ATP9A: variants seen among roughly 807,000 people sequenced by gnomAD.
The protein encoded by ATP9A is ATPase phospholipid transporting 9A.
Under a neutral mutation model 144.1 loss-of-function variants are expected in ATP9A, and 52 were observed. That is an observed-to-expected ratio of 0.36 (90% CI 0.29 to 0.45). ATP9A has a LOEUF of 0.45. Ranked by LOEUF, ATP9A falls within the 20% of genes least tolerant of loss-of-function variation. The probability of loss-of-function intolerance (pLI) is 1.00; values close to 1 mark genes in which losing one functional copy is unlikely to be tolerated. For missense variants in ATP9A, 947 were observed against 1,392.7 expected (o/e 0.68, Z 5.09); for synonymous variants, 582 against 557.4 (o/e 1.04, Z -0.62).
chr20:51,635,802 G>GAGGGAGGAAGGAAGGA (rs774111834), intron 15 of ATP9A, among the ~76,000 whole-genome samples: 1,047 of 46,672 alleles, frequency 0.022, 18 homozygotes, highest in South Asian at 0.039. Context: ...AGGAGGGGAG[G>GAGGGAGGAAGGAAGGA]AGGAAGGAAG....
chr20:51,671,656 C>G (rs985122923), intron 11 of ATP9A, among the ~76,000 whole-genome samples: 2 of 152,058 alleles, frequency 1.3e-5, no homozygotes, highest in African/African-American at 4.8e-5. Context: ...TGTTATCAGC[C>G]ATCAGCATCA....
chr20:51,670,377 G>A (rs2077450966), intron 12 of ATP9A, among the ~76,000 whole-genome samples: 2 of 152,304 alleles, frequency 1.3e-5, no homozygotes, highest in East Asian at 1.9e-4. Context: ...TCAGGGGCCT[G>A]GCCCATTCCG....
intron 9 of ATP9A, among the ~76,000 whole-genome samples, chr20:51,682,573 G>A (rs2077504348): frequency 2.3e-5 from 1 of 44,244 alleles, no homozygotes; most frequent in Admixed American, 2.4e-4. Flanking sequence ...GCTTTTCACT[G>A]TATCTTTTTT....
intron 17 of ATP9A, among the ~76,000 whole-genome samples, chr20:51,627,089 G>C (rs2077252294): frequency 6.7e-6 from 1 of 149,488 alleles, no homozygotes; most frequent in Admixed American, 6.7e-5. Context: ...AGAAGAACAA[G>C]AATAAGAAGA....
At chr20:51,700,156 T>C (rs934021321) in intron 4 of ATP9A, among the ~76,000 whole-genome samples, 10 of 152,176 alleles carry the variant, frequency 6.6e-5, no homozygotes, top group African/African-American at 2.2e-4. Context: ...ACTGGCCTCC[T>C]TTCATTATGT....
chr20:51,619,756 T>C (rs1601060731), intron 19 of ATP9A, among the ~76,000 whole-genome samples: 2 of 148,138 alleles, frequency 1.4e-5, no homozygotes, highest in East Asian at 4.1e-4. Flanking sequence ...TAATCCCAGC[T>C]ACTTGGGAAG....
intron 1 of ATP9A, among the ~76,000 whole-genome samples, chr20:51,731,101 C>A (rs576055283): frequency 1.8e-3 from 266 of 150,684 alleles, no homozygotes; most frequent in Non-Finnish European, 3.0e-3. Flanking sequence ...GTCAGGAGTT[C>A]GAGATCAGCC....
chr20:51,726,902 T>C (rs1454421900), intron 2 of ATP9A, among the ~76,000 whole-genome samples: 1 of 146,134 alleles, frequency 6.8e-6, no homozygotes, highest in Non-Finnish European at 1.5e-5. Context: ...TTTTTTTTTT[T>C]TTTTTTTTTT....
intron 4 of ATP9A, among the ~76,000 whole-genome samples, chr20:51,709,464 G>A (rs1402638402): frequency 2.0e-5 from 3 of 152,136 alleles, no homozygotes; most frequent in Non-Finnish European, 2.9e-5. Flanking sequence ...GCAGTGAGCC[G>A]AGATCGCGCC....
intron 14 of ATP9A, 75 bp downstream of exon 14, chr20:51,656,863 T>C (rs2077388775): frequency 6.4e-6 from 9 of 1,406,278 alleles, no homozygotes; most frequent in South Asian, 6.3e-5. Flanking sequence ...ATTGCTTCCT[T>C]AGAAAACGCC....
intron 13 of ATP9A, among the ~76,000 whole-genome samples, chr20:51,658,047 G>C (rs2077394520): frequency 6.6e-6 from 1 of 152,188 alleles, no homozygotes; most frequent in African/African-American, 2.4e-5. Context: ...ATGGTTTTGA[G>C]CAACATGGTA....
chr20:51,722,302 A>G (rs1451147091), intron 3 of ATP9A, among the ~76,000 whole-genome samples: 1 of 152,230 alleles, frequency 6.6e-6, no homozygotes, highest in African/African-American at 2.4e-5. Context: ...CATGACCAAG[A>G]ACCCAAAAGC....
At chr20:51,716,197 C>T (rs989767342) in intron 3 of ATP9A, among the ~76,000 whole-genome samples, 1 of 152,080 alleles carries the variant, frequency 6.6e-6, no homozygotes, top group Non-Finnish European at 1.5e-5. Context: ...ATCTCAATAA[C>T]AAAAATACTC....
chr20:51,745,199 A>G (rs191506331), intron 1 of ATP9A, among the ~76,000 whole-genome samples: 18 of 151,574 alleles, frequency 1.2e-4, no homozygotes, highest in African/African-American at 4.4e-4. Context: ...CCCGAGAGGC[A>G]GAGGCTGCAC....
At chr20:51,742,767 G>A (rs1034696163) in intron 1 of ATP9A, among the ~76,000 whole-genome samples, 1 of 152,092 alleles carries the variant, frequency 6.6e-6, no homozygotes, top group Non-Finnish European at 1.5e-5. Context: ...CAGCCGCCTC[G>A]GCCTCCCAAA....
At chr20:51,644,430 A>ATTT (rs770845700) in intron 14 of ATP9A, among the ~76,000 whole-genome samples, 2 of 142,528 alleles carry the variant, frequency 1.4e-5, no homozygotes, top group South Asian at 4.5e-4. Context: ...CACCCGGCTA[A>ATTT]TTTTTTTTTT....
At chr20:51,618,602 GA>G in intron 21 of ATP9A, 59 bp downstream of exon 21, 1 of 1,550,778 alleles carries the variant, frequency 6.4e-7, no homozygotes, top group Non-Finnish European at 8.6e-7. Flanking sequence ...TATCCTTAGG[GA>G]AAGGGAGCCT....
chr20:51,635,334 A>G (rs976709145), intron 15 of ATP9A, among the ~76,000 whole-genome samples: 8 of 152,170 alleles, frequency 5.3e-5, no homozygotes, highest in African/African-American at 1.9e-4. Context: ...ACCACCATAG[A>G]ATCTTAGACC....
intron 1 of ATP9A, chr20:51,735,010 C>T (rs1488530230): frequency 4.9e-6 from 1 of 204,728 alleles, no homozygotes. Flanking sequence ...GCAGCTCCAG[C>T]TTCAGTTCCA....
Sources: gnomAD v4.1 joint callset for allele counts (sites outside exome capture counted in the v4.1 genomes callset) on GRCh38, gnomAD v4.1.1 for gene constraint, MANE v1.5 for transcripts, NCBI Gene and HGNC (gene_info 2026-07-23, HGNC 2026-07-21) for gene names.